TSPAN3: variants seen among roughly 807,000 people sequenced by gnomAD.
TSPAN3 encodes the protein tetraspanin 3.
A neutral mutation model predicts 31.1 loss-of-function variants in TSPAN3; 9 were observed. The ratio of observed to expected loss-of-function variants is 0.29; its 90% CI spans 0.17 to 0.50. The LOEUF (loss-of-function observed/expected upper bound fraction) is 0.50, where lower values mean the gene tolerates loss of function less well. Among genes scored for constraint, TSPAN3 ranks in the 20% least tolerant of loss-of-function variants. The pLI, the probability that TSPAN3 is intolerant of heterozygous loss-of-function variation, is 0.98. For missense variants in TSPAN3, 252 were observed against 313.5 expected (o/e 0.80, Z 1.48); for synonymous variants, 129 against 114.3 (o/e 1.13, Z -0.82).
chr15:77,070,049 T>C (rs921275108), intron 1 of TSPAN3: 5 of 152,202 alleles, frequency 3.3e-5, no homozygotes, highest in South Asian at 2.1e-4. Flanking sequence ...GGGTGCAAAG[T>C]CCAGATGGGC....
intron 3 of TSPAN3, 199 bp downstream of exon 3, chr15:77,055,590 A>AT (rs1416967990): frequency 1.9e-6 from 1 of 519,044 alleles, no homozygotes; most frequent in African/African-American, 1.9e-5. Context: ...CAATACATAT[A>AT]TAACACTCTG....
chr15:77,052,278 A>C (rs2076736860), intron 6 of TSPAN3, 107 bp downstream of exon 6: 2 of 954,278 alleles, frequency 2.1e-6, no homozygotes, highest in African/African-American at 3.2e-5. Context: ...TCACTTCCAC[A>C]TTACCTACAT....
At chr15:77,052,659 A>C in intron 5 of TSPAN3, 118 bp downstream of exon 5, 2 of 1,217,576 alleles carry the variant, frequency 1.6e-6, no homozygotes, top group South Asian at 3.0e-5. Flanking sequence ...ATTTACAGTA[A>C]AACAATATAT....
chr15:77,059,798 G>C lies in TSPAN3; in HGVS notation c.64-3543C>G, dbSNP rs185294214. On this transcript the variant is annotated intron_variant, in intron 1 of 6. Coordinates refer to ENST00000267970, the MANE Select transcript of TSPAN3 (RefSeq NM_005724.6). ...GCCATATGTACTTAACAATCAACCT[G>C]AAGCACAGTTCACTGAAGAACTACT... 5.3e-5 allele frequency among the ~76,000 whole-genome samples: 8 copies of C among 152,270 alleles called. No individual in the cohort carries two copies. The East Asian group carries it at 1.5e-3, about 29-fold the overall frequency.
At chr15:77,063,145 T>C (rs748337424) in intron 1 of TSPAN3, among the ~76,000 whole-genome samples, 11 of 152,208 alleles carry the variant, frequency 7.2e-5, no homozygotes, top group Non-Finnish European at 1.6e-4. Flanking sequence ...ATCCTAAATA[T>C]TTTAGGCACC....
rs538426274 is a variant in TSPAN3 at position 77,042,208 on chromosome 15, G to C, written c.*4627C>G. The stretch of plus-strand genomic sequence containing the variant: ...GTCTGCAAAGACACATGCCATTGCT[G>C]AACTGCTGAACTTGCTTCCCTGTGG... On this transcript the variant is annotated 3_prime_UTR_variant, in exon 7 of 7. Transcript: ENST00000267970. 3.3e-5 allele frequency: 5 copies of C among 152,332 alleles called. No individual in the cohort carries two copies. In the South Asian group the frequency reaches 1.0e-3, roughly 32 times the overall value. The allele number at this position is 152,332 out of a possible 1,614,324, so 9.4% of individuals were successfully genotyped here. A position where few individuals can be genotyped will look rare whatever the true frequency, so the allele number is the denominator to read the frequency against.
chr15:77,060,649 A>T (rs2076795313), intron 1 of TSPAN3, among the ~76,000 whole-genome samples: 1 of 152,018 alleles, frequency 6.6e-6, no homozygotes, highest in African/African-American at 2.4e-5. Context: ...CCATGATGGG[A>T]TTGAGATCTA....
chr15:77,060,601 C>T (rs1300213495), intron 1 of TSPAN3, among the ~76,000 whole-genome samples: 2 of 151,670 alleles, frequency 1.3e-5, no homozygotes, highest in Non-Finnish European at 2.9e-5. Context: ...ATCAGAAAAG[C>T]TATATAAAAG....
Position 77,046,345 on chromosome 15 carries a change from C to G in TSPAN3, c.*490G>C, listed in dbSNP as rs987606799. 2 of 401,212 alleles carry G rather than the reference C, an allele frequency of 5.0e-6. No individual in the cohort carries two copies. The highest frequency in any genetic ancestry group is 8.8e-6 in the Non-Finnish European group (2 of 227,380). 24.9% of individuals were successfully genotyped at this position (401,212 alleles called of 1,614,324 possible). On this transcript the variant is annotated 3_prime_UTR_variant, in exon 7 of 7. Transcript: ENST00000267970. ...TTTAGTCATTTTGTACAGCTGCTAT[C>G]TTATTGGACTACAGTAAATATTTTT...
chr15:77,063,398 A>G (rs1392577801), intron 1 of TSPAN3: 1 of 150,894 alleles, frequency 6.6e-6, no homozygotes, highest in Non-Finnish European at 1.5e-5. Flanking sequence ...TTTTTTTTTA[A>G]GACAGGGTCT....
rs1352937912 is a variant in TSPAN3, at chr15:77,046,853, A to C, written c.744T>G (p.Thr248=). 1.9e-6 allele frequency: 3 copies of C among 1,592,582 alleles called. No homozygotes were observed. The highest frequency in any genetic ancestry group is 1.7e-6 in the Non-Finnish European group (2 of 1,166,838). ...SRDPAYELLI[T]GGTYA ...TTGTCAACTATGCATAGGTTCCGCC[A>C]GTGATGAGGAGCTCGTAAGCAGGAT... Residue 248 remains threonine, a synonymous_variant, in exon 7 of 7, where the codon ACT becomes ACG. Transcript: ENST00000267970.
intron 1 of TSPAN3, among the ~76,000 whole-genome samples, chr15:77,060,430 C>T (rs1242221320): frequency 6.6e-6 from 1 of 151,902 alleles, no homozygotes; most frequent in Non-Finnish European, 1.5e-5. Flanking sequence ...TAAAAACAGC[C>T]AAAAGTAATT....
At chr15:77,052,684 G>T in intron 5 of TSPAN3, 93 bp downstream of exon 5, 1 of 1,408,420 alleles carries the variant, frequency 7.1e-7, no homozygotes, top group Non-Finnish European at 9.8e-7. Context: ...TTAAAGACAA[G>T]CAAGGTGGCA....
chr15:77,060,784 G>A (rs2076795934), intron 1 of TSPAN3, among the ~76,000 whole-genome samples: 1 of 152,140 alleles, frequency 6.6e-6, no homozygotes, highest in Non-Finnish European at 1.5e-5. Flanking sequence ...AGTCACCACT[G>A]AGAAAATCTG....
intron 6 of TSPAN3, among the ~76,000 whole-genome samples, chr15:77,050,562 T>TTG (rs2076723895): frequency 6.6e-6 from 1 of 152,224 alleles, no homozygotes; most frequent in Non-Finnish European, 1.5e-5. Context: ...TTTTTATCAG[T>TTG]CTTCTATATA....
chr15:77,067,449 T>A (rs2076840101), intron 1 of TSPAN3, among the ~76,000 whole-genome samples: 1 of 152,166 alleles, frequency 6.6e-6, no homozygotes, highest in Non-Finnish European at 1.5e-5. Flanking sequence ...GAAAGTGTAG[T>A]TTAAAGGTCT....
At chr15:77,067,655 A>G (rs981704431) in intron 1 of TSPAN3, 4 of 152,248 alleles carry the variant, frequency 2.6e-5, no homozygotes, top group African/African-American at 9.6e-5. Context: ...GGGAGGGGCC[A>G]GCATATAAGA....
rs570740396 is a variant in TSPAN3, at chr15:77,060,665, G to A, written c.64-4410C>T. ...CATGATGGGATTGAGATCTATCAAAGGATCTGAGCTTTGCCAATAAAGCAG... is the reference window on the plus strand; with the variant it reads ...CATGATGGGATTGAGATCTATCAAAAGATCTGAGCTTTGCCAATAAAGCAG... On this transcript the variant is annotated intron_variant, in intron 1 of 6. Transcript: ENST00000267970. Among the ~76,000 whole-genome samples, 18 of 152,198 alleles carry A rather than the reference G, an allele frequency of 1.2e-4. No homozygotes were observed. The East Asian group carries it at 2.9e-3, about 24-fold the overall frequency.
intron 5 of TSPAN3, 124 bp downstream of exon 5, chr15:77,052,653 A>G (rs2076739746): frequency 8.6e-7 from 1 of 1,160,128 alleles, no homozygotes; most frequent in African/African-American, 1.6e-5. Flanking sequence ...ATAATAATTT[A>G]CAGTAAAACA....
Sources: gnomAD v4.1 joint callset for allele counts (sites outside exome capture counted in the v4.1 genomes callset) on GRCh38, gnomAD v4.1.1 for gene constraint, MANE v1.5 for transcripts, NCBI Gene and HGNC (gene_info 2026-07-23, HGNC 2026-07-21) for gene names.